The following LRRC9 variants were observed in gnomAD, a reference collection of about 807,000 sequenced individuals.
The protein encoded by LRRC9 is leucine-rich repeat-containing protein 9.
In LRRC9, 122 loss-of-function variants were observed where a neutral mutation model predicts 63.2. The observed-to-expected ratio is 1.93, with a 90% confidence interval of 1.67 to 2.24. LRRC9 has a LOEUF of 2.24. LRRC9 is among the 30% of genes most tolerant of loss of function. The pLI is 0.00. For missense variants in LRRC9, 1,071 were observed against 627.7 expected (o/e 1.71, Z -7.55); for synonymous variants, 366 against 213.1 (o/e 1.72, Z -6.25).
chr14:60,018,584 C>A, intron 25 of LRRC9, 105 bp downstream of exon 25: 1 of 442,162 alleles, frequency 2.3e-6, no homozygotes, highest in South Asian at 4.0e-5. Flanking sequence ...ATAAATTATT[C>A]CTAAATTTTC....
Position 59,985,238 on chromosome 14 carries a change from C to A in LRRC9, c.2211+14C>A. On this transcript the variant is annotated intron_variant, in intron 17 of 31. Transcript: ENST00000445360. ...GTATACCACTTGGTAAGAATTGTTC[C>A]TTTGAATCTAAAAAAGTGAAACTCA... 1.6e-6 allele frequency: 1 copy of A among 613,260 alleles called. No homozygotes were observed. The highest frequency in any genetic ancestry group is 3.0e-6 in the Non-Finnish European group (1 of 334,082). The allele number at this position is 613,260 out of a possible 1,614,324, so 38.0% of individuals were successfully genotyped here.
At chr14:60,048,368 A>G (rs971410849) in intron 29 of LRRC9, among the ~76,000 whole-genome samples, 2 of 152,164 alleles carry the variant, frequency 1.3e-5, no homozygotes, top group African/African-American at 2.4e-5. Flanking sequence ...TTTTGAAAAA[A>G]TTAATAAAAT....
At chr14:59,977,179 TAA>T in intron 13 of LRRC9, 44 bp from the exon 14 acceptor site, 1 of 642,504 alleles carries the variant, frequency 1.6e-6, no homozygotes, top group East Asian at 2.7e-5. Flanking sequence ...GGAAAATTAT[TAA>T]AGTTAATTAT....
Position 59,922,890 on chromosome 14 carries a change from T to C in LRRC9, c.-34+3007T>C, listed in dbSNP as rs2139735607. ...ACTGAAGTTAGAGGCAATGCATTTG[T>C]AGTGACTTCAGCTCCATGCTGGTTA... On this transcript the variant is annotated intron_variant, in intron 1 of 31. Coordinates refer to ENST00000445360, the Ensembl canonical transcript of LRRC9. The surrounding 1 kb of genome is among the most constrained non-coding windows in gnomAD (Gnocchi z 5.3). Among the ~76,000 whole-genome samples the C allele has an allele frequency of 6.6e-6, 1 of 152,364 alleles. No homozygotes were observed. Among genetic ancestry groups the C allele is most frequent in the Middle Eastern group, 3.4e-3 (1 of 294 alleles).
In LRRC9 at chr14:59,932,937, G is replaced by A. The variant is rs1460404335; in HGVS notation, c.543+898G>A. Among the ~76,000 whole-genome samples the A allele has an allele frequency of 6.6e-6, 1 of 151,824 alleles. No individual in the cohort carries two copies. The highest frequency in any genetic ancestry group is 1.5e-5 in the Non-Finnish European group (1 of 67,942). Reference sequence around the variant, plus strand: ...AGAGTAGAAGACATTTCATATAATGGGGCCATAAGACTACCTAATCTAGCC... The same window carrying A: ...AGAGTAGAAGACATTTCATATAATGAGGCCATAAGACTACCTAATCTAGCC... On this transcript the variant is annotated intron_variant, in intron 6 of 31. Coordinates refer to ENST00000445360, the Ensembl canonical transcript of LRRC9. This position sits in a 1 kb window ranked among gnomAD's most constrained non-coding sequence, Gnocchi z 4.7.
chr14:59,921,293 T>C (rs1888755033), intron 1 of LRRC9, among the ~76,000 whole-genome samples: 1 of 152,046 alleles, frequency 6.6e-6, no homozygotes, highest in Non-Finnish European at 1.5e-5. Flanking sequence ...ATGGAAACCA[T>C]TAATACCTTC....
At chr14:59,983,631 G>T (rs1253058007) in intron 16 of LRRC9, among the ~76,000 whole-genome samples, 3 of 152,152 alleles carry the variant, frequency 2.0e-5, no homozygotes, top group African/African-American at 7.2e-5. Flanking sequence ...TGTCTTCAGG[G>T]AACACTGAAA....
At position 59,981,909 on chromosome 14, in the gene LRRC9, A is replaced by AT. The variant is rs1379917959; in HGVS notation, c.1940_1941insT (p.Glu649ArgfsTer12). 6 of 702,388 alleles carry AT rather than the reference A, an allele frequency of 8.5e-6. No homozygotes were observed. The highest frequency in any genetic ancestry group is 1.6e-5 in the Non-Finnish European group (6 of 384,764). 43.5% of individuals were successfully genotyped at this position (702,388 alleles called of 1,614,324 possible). ...GTTATTCTAGAAGAAAGCAAAAAAA[A>AT]CCCAGAAGTATCAGTATTTTCCAAG... On this transcript the variant is annotated frameshift_variant, in exon 16 of 32. Coordinates refer to ENST00000445360, the Ensembl canonical transcript of LRRC9. LOFTEE classifies it high-confidence loss of function.
chr14:60,024,657 A>G, intron 27 of LRRC9, among the ~76,000 whole-genome samples: 1 of 152,042 alleles, frequency 6.6e-6, no homozygotes, highest in South Asian at 2.1e-4. Flanking sequence ...AATTCAGCAC[A>G]ATGACAGATC....
intron 8 of LRRC9, 99 bp downstream of exon 8, chr14:59,944,843 A>G: frequency 1.9e-6 from 1 of 517,730 alleles, no homozygotes. Flanking sequence ...ATACACACAT[A>G]TATAATACAC....
At position 60,016,643 on chromosome 14, in the gene LRRC9, T is replaced by C. The variant is rs571401222; in HGVS notation, c.3187-17T>C. The C allele has an allele frequency of 1.0e-5, 7 of 680,884 alleles. No individual in the cohort carries two copies. In the East Asian group the frequency reaches 1.1e-4, roughly 11 times the overall value. 42.2% of individuals were successfully genotyped at this position (680,884 alleles called of 1,614,324 possible). A position where few individuals can be genotyped will look rare whatever the true frequency, so the allele number is the denominator to read the frequency against. On this transcript the variant is annotated splice_polypyrimidine_tract_variant and intron_variant, in intron 23 of 31. Coordinates refer to ENST00000445360, the Ensembl canonical transcript of LRRC9. ...ATCTGTAAGACAGGACATCATTTTC[T>C]AAATATCTTCATATAGGAACCATCA...
chr14:59,966,948 G>C lies in LRRC9; in HGVS notation c.1389-148G>C. 3.7e-6 allele frequency: 2 copies of C among 535,550 alleles called. No individual in the cohort carries two copies. The highest frequency in any genetic ancestry group is 6.7e-6 in the Non-Finnish European group (2 of 298,982). 33.2% of individuals were successfully genotyped at this position (535,550 alleles called of 1,614,324 possible). A position where few individuals can be genotyped will look rare whatever the true frequency, so the allele number is the denominator to read the frequency against. On this transcript the variant is annotated intron_variant, in intron 11 of 31. Transcript: ENST00000445360. The surrounding 1 kb of genome is among the most constrained non-coding windows in gnomAD (Gnocchi z 4.0). ...TTATCCACATTGAGCCTGTTTTTGAGGTTGAAGGCAGGGGAGCTATTAATA... is the reference window on the plus strand; with the variant it reads ...TTATCCACATTGAGCCTGTTTTTGACGTTGAAGGCAGGGGAGCTATTAATA...
At chr14:59,921,552 G>A (rs926361740) in intron 1 of LRRC9, among the ~76,000 whole-genome samples, 1 of 152,076 alleles carries the variant, frequency 6.6e-6, no homozygotes, top group African/African-American at 2.4e-5. Flanking sequence ...ATTGGTTGAG[G>A]ATAATAGCTC....
chr14:59,952,554 T>C (rs1055834255), intron 8 of LRRC9, among the ~76,000 whole-genome samples: 1 of 152,200 alleles, frequency 6.6e-6, no homozygotes, highest in African/African-American at 2.4e-5. Flanking sequence ...GATATATCTA[T>C]TATAGAGGAG....
intron 10 of LRRC9, among the ~76,000 whole-genome samples, chr14:59,963,511 TAA>T (rs76630579): frequency 7.3e-6 from 1 of 137,048 alleles, no homozygotes. Flanking sequence ...TATTTACAAC[TAA>T]AAAAAAAAAA....
chr14:60,013,594 G>A (rs1890433644), intron 23 of LRRC9, among the ~76,000 whole-genome samples: 1 of 151,988 alleles, frequency 6.6e-6, no homozygotes, highest in Non-Finnish European at 1.5e-5. Context: ...CAGCTCTGTT[G>A]TTGGTGCATA....
intron 17 of LRRC9, among the ~76,000 whole-genome samples, chr14:59,992,570 AGAC>A (rs1198999712): frequency 6.6e-6 from 1 of 152,228 alleles, no homozygotes; most frequent in African/African-American, 2.4e-5. Context: ...AAAAAAAATT[AGAC>A]GAATGGCTAA....
intron 29 of LRRC9, among the ~76,000 whole-genome samples, chr14:60,036,198 A>G (rs1489077116): frequency 6.6e-6 from 1 of 152,178 alleles, no homozygotes; most frequent in Admixed American, 6.6e-5. Flanking sequence ...CCAAGACCCC[A>G]ACTCCTAATA....
In LRRC9 at chr14:59,977,503, A is replaced by G. The variant is rs1407842664; in HGVS notation, c.1762+156A>G. Among the ~76,000 whole-genome samples, 7 of 152,150 alleles carry G rather than the reference A, an allele frequency of 4.6e-5. 1 individual carries two copies. In the South Asian group the frequency reaches 1.5e-3, roughly 32 times the overall value. On this transcript the variant is annotated intron_variant, in intron 14 of 31. Transcript: ENST00000445360. ...GCCACTAATAATTTTTATATTCCCT[A>G]CATCAAAGACATTTATATATGGGTG... is the stretch of plus-strand genomic sequence containing the variant.
Sources: gnomAD v4.1 joint callset for allele counts (sites outside exome capture counted in the v4.1 genomes callset) on GRCh38, gnomAD v4.1.1 for gene constraint, Gnocchi (gnomAD v3.1) non-coding constraint, MANE v1.5 for transcripts, NCBI Gene and HGNC (gene_info 2026-07-23, HGNC 2026-07-21) for gene names.